CADPS2: variants seen among roughly 807,000 people sequenced by gnomAD.
CADPS2 encodes the protein calcium-dependent secretion activator 2.
CADPS2 carries 93 observed loss-of-function variants against 172.5 expected under a neutral mutation model. That is an observed-to-expected ratio of 0.54 (90% CI 0.46 to 0.64). CADPS2 has a LOEUF of 0.64. CADPS2 is among the 30% of genes least tolerant of loss of function. CADPS2 has a pLI of 0.00. For missense variants in CADPS2, 1,420 were observed against 1,565.9 expected (o/e 0.91, Z 1.57); for synonymous variants, 546 against 555.2 (o/e 0.98, Z 0.23).
chr7:122,521,118 A>G (rs11760765), intron 8 of CADPS2, among the ~76,000 whole-genome samples: 30,321 of 152,142 alleles, frequency 0.2, 4,030 homozygotes, highest in Non-Finnish European at 0.3. Flanking sequence ...AGTCCTGGAA[A>G]GGGCTTTCAT....
At chr7:122,757,722 T>G (rs748136522) in intron 1 of CADPS2, among the ~76,000 whole-genome samples, 3 of 151,794 alleles carry the variant, frequency 2.0e-5, no homozygotes, top group Non-Finnish European at 2.9e-5. Flanking sequence ...AGCTACTAGA[T>G]GCCTGTCGAT....
At chr7:122,796,646 T>C (rs1192319785) in intron 1 of CADPS2, among the ~76,000 whole-genome samples, 1 of 152,056 alleles carries the variant, frequency 6.6e-6, no homozygotes, top group Non-Finnish European at 1.5e-5. Context: ...GGTGCTGTTA[T>C]TACTGGCTAC....
At chr7:122,419,145 G>T (rs2048270089) in intron 17 of CADPS2, among the ~76,000 whole-genome samples, 1 of 152,120 alleles carries the variant, frequency 6.6e-6, no homozygotes, top group African/African-American at 2.4e-5. Flanking sequence ...TTGGACCATG[G>T]CAGGTATTTA....
At chr7:122,854,205 C>T (rs1814529595) in intron 1 of CADPS2, among the ~76,000 whole-genome samples, 1 of 151,920 alleles carries the variant, frequency 6.6e-6, no homozygotes, top group Admixed American at 6.6e-5. Context: ...ACAAAAAATA[C>T]AAAAATTGGC....
intron 2 of CADPS2, among the ~76,000 whole-genome samples, chr7:122,700,434 A>G (rs1444668028): frequency 6.6e-6 from 1 of 152,186 alleles, no homozygotes; most frequent in Non-Finnish European, 1.5e-5. Flanking sequence ...CCCAAAGGCC[A>G]TTAATCCGAT....
intron 25 of CADPS2, among the ~76,000 whole-genome samples, chr7:122,366,560 G>A (rs929305297): frequency 4.2e-4 from 63 of 150,232 alleles, no homozygotes; most frequent in African/African-American, 1.5e-3. Context: ...AGTCGAGATT[G>A]CGCCACTGCA....
intron 8 of CADPS2, among the ~76,000 whole-genome samples, chr7:122,549,755 A>G (rs2064020123): frequency 6.6e-6 from 1 of 152,064 alleles, no homozygotes; most frequent in African/African-American, 2.4e-5. Flanking sequence ...ACCTACACAT[A>G]CATACATACA....
intron 2 of CADPS2, among the ~76,000 whole-genome samples, chr7:122,671,106 A>G (rs549384288): frequency 9.1e-4 from 139 of 152,196 alleles, no homozygotes; most frequent in African/African-American, 3.0e-3. Flanking sequence ...CTGTTACAGG[A>G]CCTTTTCTTT....
At chr7:122,373,546 A>G (rs1284581066) in intron 25 of CADPS2, among the ~76,000 whole-genome samples, 1 of 152,102 alleles carries the variant, frequency 6.6e-6, no homozygotes, top group East Asian at 1.9e-4. Flanking sequence ...CCCACACAAC[A>G]TTTCTAGCTG....
In CADPS2 at chr7:122,615,263, C is replaced by T. The variant is rs370653073; in HGVS notation, c.1141G>A (p.Ala381Thr). 2.6e-6 allele frequency: 4 copies of T among 1,553,770 alleles called. No individual in the cohort carries two copies. The African/African-American group carries it at 5.4e-5, about 21-fold the overall frequency. ...GTACAGTAAACAATTCGATTGGGAG[C>T]AACTGACTTCAGGCCTTGCACTTCC... is the stretch of plus-strand genomic sequence containing the variant. ...IMEVQGLKSV[A>T]PNRIVYCTME... is the part of the protein sequence containing the mutation. Residue 381 changes from alanine to threonine, a missense_variant, in exon 6 of 30, where the codon GCT becomes ACT. Coordinates refer to ENST00000449022, the MANE Select transcript of CADPS2 (RefSeq NM_017954.11).
chr7:122,360,774 T>A lies in CADPS2; in HGVS notation c.3504+14A>T. Reference sequence around the variant, plus strand: ...ATTCCATACAGTTTTAAAAAGCAGATAAAAAATACTTACTGGAACATCAAC... The same window carrying A: ...ATTCCATACAGTTTTAAAAAGCAGAAAAAAAATACTTACTGGAACATCAAC... On this transcript the variant is annotated intron_variant, in intron 27 of 29. Transcript: ENST00000449022. The A allele has an allele frequency of 6.5e-7, 1 of 1,546,628 alleles. No individual in the cohort carries two copies. The highest frequency in any genetic ancestry group is 8.7e-7 in the Non-Finnish European group (1 of 1,146,812).
At chr7:122,794,519 T>C (rs964077484) in intron 1 of CADPS2, among the ~76,000 whole-genome samples, 10 of 152,044 alleles carry the variant, frequency 6.6e-5, no homozygotes, top group Non-Finnish European at 1.5e-4. Context: ...GCAATAATAG[T>C]GGGAGAGCTT....
chr7:122,613,656 G>T (rs2074557254), intron 6 of CADPS2, among the ~76,000 whole-genome samples: 2 of 151,680 alleles, frequency 1.3e-5, no homozygotes, highest in South Asian at 4.2e-4. Flanking sequence ...TTGGTTGGGG[G>T]TTGATAGCTA....
intron 20 of CADPS2, among the ~76,000 whole-genome samples, chr7:122,401,348 G>A (rs1326974551): frequency 6.6e-6 from 1 of 152,212 alleles, no homozygotes; most frequent in African/African-American, 2.4e-5. Flanking sequence ...GTATTTTTCA[G>A]TTGGGAACCA....
intron 27 of CADPS2, among the ~76,000 whole-genome samples, chr7:122,347,828 G>A (rs922840208): frequency 2.6e-5 from 4 of 152,148 alleles, no homozygotes; most frequent in Non-Finnish European, 5.9e-5. Context: ...ATACTTGAAG[G>A]AAACTAACTC....
intron 14 of CADPS2, among the ~76,000 whole-genome samples, chr7:122,462,040 A>G (rs2054511807): frequency 6.6e-6 from 1 of 152,252 alleles, no homozygotes; most frequent in African/African-American, 2.4e-5. Context: ...GAAATTCCCA[A>G]TAACAATTCA....
At chr7:122,774,425 C>T (rs1022028620) in intron 1 of CADPS2, among the ~76,000 whole-genome samples, 5 of 151,892 alleles carry the variant, frequency 3.3e-5, no homozygotes. Context: ...TTAACACAGG[C>T]TTATATTTAG....
At chr7:122,822,012 C>A (rs924466404) in intron 1 of CADPS2, among the ~76,000 whole-genome samples, 6 of 151,288 alleles carry the variant, frequency 4.0e-5, no homozygotes, top group African/African-American at 1.5e-4. Flanking sequence ...TCTAGTCATA[C>A]TCCTATTCAC....
chr7:122,546,165 T>C (rs577756961), intron 8 of CADPS2, among the ~76,000 whole-genome samples: 1 of 152,318 alleles, frequency 6.6e-6, no homozygotes, highest in African/African-American at 2.4e-5. Flanking sequence ...TGGTGATGTT[T>C]CTTTTTATAA....
Sources: gnomAD v4.1 joint callset for allele counts (sites outside exome capture counted in the v4.1 genomes callset) on GRCh38, gnomAD v4.1.1 for gene constraint, MANE v1.5 for transcripts, NCBI Gene and HGNC (gene_info 2026-07-23, HGNC 2026-07-21) for gene names.